USH2A: variants seen among roughly 807,000 people sequenced by gnomAD.
The protein encoded by USH2A is Usher syndrome 2A (autosomal recessive, mild).
A neutral mutation model predicts 538.9 loss-of-function variants in USH2A; 443 were observed. The observed-to-expected ratio is 0.82, with a 90% CI of 0.76 to 0.89. The LOEUF is 0.89. Among genes scored for constraint, USH2A ranks in the 40% least tolerant of loss-of-function variants. The pLI, the probability that USH2A is intolerant of heterozygous loss-of-function variation, is 0.00. For missense variants in USH2A, 6,633 were observed against 6,324.8 expected (o/e 1.05, Z -1.65); for synonymous variants, 2,413 against 2,273.5 (o/e 1.06, Z -1.75).
chr1:216,269,382 C>T (rs1011155335), intron 11 of USH2A, among the ~76,000 whole-genome samples: 2 of 152,102 alleles, frequency 1.3e-5, no homozygotes, highest in South Asian at 2.1e-4. Context: ...CTGCCATGAT[C>T]GTGAGGCCTC....
intron 9 of USH2A, among the ~76,000 whole-genome samples, chr1:216,296,434 T>C (rs2037106520): frequency 6.6e-6 from 1 of 152,104 alleles, no homozygotes; most frequent in African/African-American, 2.4e-5. Flanking sequence ...ACTGAAATGA[T>C]TGGCTTCTGT....
At chr1:215,878,495 T>A (rs183979260) in intron 42 of USH2A, among the ~76,000 whole-genome samples, 1 of 152,272 alleles carries the variant, frequency 6.6e-6, no homozygotes, top group Admixed American at 6.5e-5. Context: ...AAGCATATGT[T>A]GAAAATGAAG....
chr1:216,129,262 A>G (rs2033320162), intron 21 of USH2A, among the ~76,000 whole-genome samples: 1 of 152,038 alleles, frequency 6.6e-6, no homozygotes, highest in Non-Finnish European at 1.5e-5. Flanking sequence ...TTTTGGATAA[A>G]TACCCAGCAG....
At chr1:216,205,682 G>A (rs2035097009) in intron 16 of USH2A, among the ~76,000 whole-genome samples, 1 of 152,154 alleles carries the variant, frequency 6.6e-6, no homozygotes, top group Non-Finnish European at 1.5e-5. Context: ...AACTAATTAA[G>A]CATGGTTAAA....
chr1:216,169,045 C>T (rs1256960941), intron 21 of USH2A, among the ~76,000 whole-genome samples: 1 of 152,076 alleles, frequency 6.6e-6, no homozygotes, highest in Non-Finnish European at 1.5e-5. Context: ...TTCTCTATTG[C>T]AATTCCCCTG....
chr1:215,967,983 A>T (rs1293323743), intron 36 of USH2A, among the ~76,000 whole-genome samples: 1 of 152,146 alleles, frequency 6.6e-6, no homozygotes, highest in African/African-American at 2.4e-5. Flanking sequence ...CACTAGTGTT[A>T]TGTAACATTG....
intron 21 of USH2A, among the ~76,000 whole-genome samples, chr1:216,128,055 A>G (rs1483882152): frequency 1.3e-5 from 2 of 152,168 alleles, no homozygotes; most frequent in Non-Finnish European, 2.9e-5. Context: ...TTTGAAGAGC[A>G]TACTGTATAG....
At chr1:216,045,283 CTATAAG>C (rs1236093864) in intron 32 of USH2A, among the ~76,000 whole-genome samples, 2 of 152,066 alleles carry the variant, frequency 1.3e-5, no homozygotes, top group Admixed American at 6.6e-5. Flanking sequence ...TACAAAACCA[CTATAAG>C]TATAATACAA....
At chr1:216,073,424 C>T (rs922514596) in intron 27 of USH2A, 124 bp from the exon 28 acceptor site, 23 of 1,034,994 alleles carry the variant, frequency 2.2e-5, no homozygotes, top group Non-Finnish European at 2.7e-5. Flanking sequence ...GCTAGACTTT[C>T]GAGTCTTCCT....
At chr1:216,203,807 T>C (rs1172616865) in intron 16 of USH2A, among the ~76,000 whole-genome samples, 2 of 152,118 alleles carry the variant, frequency 1.3e-5, no homozygotes, top group African/African-American at 4.8e-5. Flanking sequence ...TACGATAATA[T>C]CTGTAGGTGA....
chr1:216,098,831 G>A (rs915090737), intron 21 of USH2A, among the ~76,000 whole-genome samples: 3 of 152,186 alleles, frequency 2.0e-5, no homozygotes, highest in African/African-American at 7.2e-5. Flanking sequence ...GACAGTTTTA[G>A]ATAATATAGT....
At chr1:216,299,270 TAA>T (rs895651774) in intron 9 of USH2A, among the ~76,000 whole-genome samples, 3 of 140,610 alleles carry the variant, frequency 2.1e-5, no homozygotes, top group African/African-American at 5.1e-5. Context: ...TTCCAATTCC[TAA>T]AAAAAAAAAG....
At chr1:216,323,377 G>A in intron 8 of USH2A, 97 bp downstream of exon 8, 2 of 1,223,808 alleles carry the variant, frequency 1.6e-6, no homozygotes, top group Non-Finnish European at 2.4e-6. Flanking sequence ...ATTTCAAAAT[G>A]TAAAGCTTGA....
intron 28 of USH2A, 48 bp downstream of exon 28, chr1:216,073,049 G>C (rs750078259): frequency 1.2e-6 from 2 of 1,612,696 alleles, no homozygotes; most frequent in Non-Finnish European, 1.7e-6. Context: ...GGGAAAGGGG[G>C]ATGAATAAGA....
Position 215,950,674 on chromosome 1 carries a change from A to AT in USH2A, c.7120+14642dup, listed in dbSNP as rs919935183. On this transcript the variant is annotated intron_variant, in intron 37 of 71. Transcript: ENST00000307340. ...GCTCCTACCACCATGTCCGGCTAAT[A>AT]TTTTTTTTTGTATTTTTAGTAGAAA... Among the ~76,000 whole-genome samples, 42 of 149,898 alleles carry AT rather than the reference A, an allele frequency of 2.8e-4. 1 individual carries two copies. Among genetic ancestry groups the AT allele is most frequent in the South Asian group, 1.7e-3 (8 of 4,690 alleles).
chr1:215,713,988 A>C (rs144579165), intron 61 of USH2A, among the ~76,000 whole-genome samples: 1 of 152,346 alleles, frequency 6.6e-6, no homozygotes, highest in Non-Finnish European at 1.5e-5. Context: ...CTCATTAATA[A>C]ATTTAGGTAA....
chr1:216,390,575 T>C (rs1461859420), intron 3 of USH2A, among the ~76,000 whole-genome samples: 1 of 152,188 alleles, frequency 6.6e-6, no homozygotes, highest in Middle Eastern at 3.2e-3. Flanking sequence ...TTAGAATATG[T>C]TATTTAAATT....
chr1:215,740,336 T>C (rs1660267052), intron 60 of USH2A, among the ~76,000 whole-genome samples: 1 of 152,308 alleles, frequency 6.6e-6, no homozygotes, highest in South Asian at 2.1e-4. Context: ...AAAATGTTCA[T>C]AGTGTATCTC....
At chr1:216,361,241 A>T (rs978490632) in intron 4 of USH2A, among the ~76,000 whole-genome samples, 1 of 152,148 alleles carries the variant, frequency 6.6e-6, no homozygotes, top group Admixed American at 6.6e-5. Context: ...ACCTTATATA[A>T]CCTCAAAAAA....
Sources: gnomAD v4.1 joint callset for allele counts (sites outside exome capture counted in the v4.1 genomes callset) on GRCh38, gnomAD v4.1.1 for gene constraint, MANE v1.5 for transcripts, NCBI Gene and HGNC (gene_info 2026-07-23, HGNC 2026-07-21) for gene names.